IARS2: variants seen among roughly 807,000 people sequenced by gnomAD.
The protein encoded by IARS2 is isoleucine--tRNA ligase, mitochondrial.
In IARS2, 56 loss-of-function variants were observed where a neutral mutation model predicts 126.3. The ratio of observed to expected loss-of-function variants is 0.44; its 90% CI spans 0.36 to 0.55. IARS2 has a LOEUF of 0.55. Ranked by LOEUF, IARS2 falls within the 20% of genes least tolerant of loss-of-function variation. The probability of loss-of-function intolerance (pLI) is 0.00; values close to 1 mark genes in which losing one functional copy is unlikely to be tolerated. For synonymous variants in IARS2, 407 were observed against 441.1 expected, an observed-to-expected ratio of 0.92 and a Z score of 0.97; for missense variants, 1,127 against 1,245.9, an observed-to-expected ratio of 0.90 and a Z score of 1.44.
chr1:220,097,152 AAG>A (rs780271702), intron 2 of IARS2, among the ~76,000 whole-genome samples: 6 of 152,090 alleles, frequency 3.9e-5, no homozygotes, highest in Non-Finnish European at 1.5e-5. Context: ...GGATTAAGCA[AAG>A]AGAGAGAATT....
At chr1:220,097,585 G>C (rs980293957) in intron 2 of IARS2, among the ~76,000 whole-genome samples, 9 of 151,508 alleles carry the variant, frequency 5.9e-5, no homozygotes, top group African/African-American at 1.9e-4. Context: ...GGATGGTCTC[G>C]ATCTCCTGAC....
At position 220,107,159 on chromosome 1, in the gene IARS2, T is replaced by C; in HGVS notation, c.1327+8T>C. 1 of 1,585,332 alleles carries C rather than the reference T, an allele frequency of 6.3e-7. No individual in the cohort carries two copies. The highest frequency in any genetic ancestry group is 1.3e-5 in the African/African-American group (1 of 74,482). On this transcript the variant is annotated splice_region_variant and intron_variant, in intron 10 of 22. Transcript: ENST00000366922. ...AAGAGGGAACTGATGTGGGTGAGCA[T>C]CATATCTGTTGATATCATACATGTT...
intron 21 of IARS2, among the ~76,000 whole-genome samples, chr1:220,145,174 C>G (rs959860396): frequency 2.0e-5 from 3 of 151,642 alleles, no homozygotes; most frequent in African/African-American, 7.3e-5. Flanking sequence ...GCAAGTTAAC[C>G]TCTCTTTGCT....
intron 14 of IARS2, among the ~76,000 whole-genome samples, chr1:220,130,178 A>G (rs941159451): frequency 3.9e-5 from 6 of 152,196 alleles, no homozygotes; most frequent in African/African-American, 7.2e-5. Context: ...ATGTCTGTTC[A>G]GACCCTTTGC....
intron 14 of IARS2, among the ~76,000 whole-genome samples, chr1:220,133,318 T>A (rs1473774907): frequency 6.6e-6 from 1 of 152,182 alleles, no homozygotes; most frequent in Non-Finnish European, 1.5e-5. Context: ...ATCACAGTTA[T>A]TTCTTGCTTA....
intron 1 of IARS2, 82 bp downstream of exon 1, chr1:220,094,565 C>G: frequency 8.5e-7 from 1 of 1,182,930 alleles, no homozygotes; most frequent in Non-Finnish European, 1.2e-6. Flanking sequence ...CGCCACACCT[C>G]TAGGCTCCAC....
intron 22 of IARS2, among the ~76,000 whole-genome samples, chr1:220,146,058 G>A (rs1311583020): frequency 6.6e-6 from 1 of 152,066 alleles, no homozygotes; most frequent in Non-Finnish European, 1.5e-5. Context: ...GTATACCCCG[G>A]ATTAAAATAT....
intron 2 of IARS2, among the ~76,000 whole-genome samples, chr1:220,096,760 A>G (rs1656452310): frequency 6.6e-6 from 1 of 152,158 alleles, no homozygotes; most frequent in Non-Finnish European, 1.5e-5. Flanking sequence ...TAGTGCTATT[A>G]AAGAGACCAG....
At chr1:220,123,158 A>G (rs1657083564) in intron 12 of IARS2, among the ~76,000 whole-genome samples, 2 of 151,646 alleles carry the variant, frequency 1.3e-5, no homozygotes, top group South Asian at 4.1e-4. Flanking sequence ...TATTTTCTTA[A>G]CTGAAAATGT....
intron 11 of IARS2, 122 bp from the exon 12 acceptor site, chr1:220,114,192 G>T (rs1247652584): frequency 1.4e-5 from 11 of 790,728 alleles, no homozygotes; most frequent in Non-Finnish European, 2.4e-5. Context: ...TGAGGGGAGG[G>T]TAAGGGAGGT....
At chr1:220,117,741 A>G (rs1383713315) in intron 12 of IARS2, 29 of 420,332 alleles carry the variant, frequency 6.9e-5, no homozygotes, top group Non-Finnish European at 1.4e-5. Flanking sequence ...ACAAGTTTTC[A>G]TTAGGTATAT....
intron 12 of IARS2, among the ~76,000 whole-genome samples, chr1:220,124,090 C>T (rs1657105059): frequency 6.6e-6 from 1 of 152,192 alleles, no homozygotes; most frequent in African/African-American, 2.4e-5. Flanking sequence ...TAAGCTAAAG[C>T]CCCCTGCTGG....
At chr1:220,118,260 C>A (rs774607587) in intron 12 of IARS2, 4 of 452,990 alleles carry the variant, frequency 8.8e-6, no homozygotes, top group Admixed American at 8.2e-5. Flanking sequence ...TAAGGAGATT[C>A]CTTTTGCTCA....
intron 2 of IARS2, among the ~76,000 whole-genome samples, chr1:220,099,856 A>G (rs1329562121): frequency 1.3e-5 from 2 of 152,108 alleles, no homozygotes; most frequent in Non-Finnish European, 2.9e-5. Context: ...TCATTAGTAA[A>G]CAGTTTGAAA....
intron 21 of IARS2, chr1:220,144,177 A>G (rs1657542880): frequency 5.1e-6 from 4 of 791,382 alleles, no homozygotes; most frequent in African/African-American, 3.4e-5. Context: ...CAATTTTCCC[A>G]GCTCTGTGAC....
At chr1:220,116,994 C>G (rs1215522861) in intron 12 of IARS2, among the ~76,000 whole-genome samples, 1 of 152,004 alleles carries the variant, frequency 6.6e-6, no homozygotes, top group Non-Finnish European at 1.5e-5. Flanking sequence ...GATCCATCCA[C>G]CTCTGCCTCC....
In IARS2 at chr1:220,103,495, G is replaced by A. The variant is rs577342087; in HGVS notation, c.999G>A (p.Ala333=). 29 of 1,613,328 alleles carry A rather than the reference G, an allele frequency of 1.8e-5. No individual in the cohort carries two copies. The highest frequency in any genetic ancestry group is 5.3e-5 in the African/African-American group (4 of 74,994). ...CSKSGDLYVL[A]ADKVASVAST... Reference sequence around the variant, plus strand: ...AGTCTGGAGACCTCTACGTACTGGCGGCAGATAAAGTAGCATCTGTTGCTT... The same window carrying A: ...AGTCTGGAGACCTCTACGTACTGGCAGCAGATAAAGTAGCATCTGTTGCTT... Residue 333 remains alanine (A), a synonymous_variant, in exon 8 of 23, where the codon GCG becomes GCA. Coordinates refer to ENST00000366922, the MANE Select transcript of IARS2 (RefSeq NM_018060.4).
chr1:220,103,054 T>C (rs1656610554), intron 7 of IARS2, among the ~76,000 whole-genome samples: 1 of 152,102 alleles, frequency 6.6e-6, no homozygotes, highest in Admixed American at 6.6e-5. Flanking sequence ...CTTTTTTTTT[T>C]TGGAGACCGA....
chr1:220,100,263 A>G (rs1235127330), intron 2 of IARS2, among the ~76,000 whole-genome samples: 3 of 152,200 alleles, frequency 2.0e-5, no homozygotes, highest in Admixed American at 6.5e-5. Flanking sequence ...TTAGCTCAAT[A>G]TAAATAATAT....
Sources: allele counts gnomAD v4.1 joint callset (sites outside exome capture counted in the v4.1 genomes callset), GRCh38; gene constraint gnomAD v4.1.1; transcripts MANE v1.5; gene names NCBI Gene and HGNC (gene_info 2026-07-23, HGNC 2026-07-21).